The following SNTB1 variants were observed in gnomAD, a reference collection of about 807,000 sequenced individuals.
SNTB1 encodes syntrophin beta 1, also known as beta-1-syntrophin.
Under a neutral mutation model 48.9 loss-of-function variants are expected in SNTB1, and 36 were observed. The ratio of observed to expected loss-of-function variants is 0.74; its 90% CI spans 0.56 to 0.97. The LOEUF (loss-of-function observed/expected upper bound fraction) is 0.97, where lower values mean the gene tolerates loss of function less well. Ranked by LOEUF, SNTB1 falls within the 50% of genes least tolerant of loss-of-function variation. The pLI is 0.00. For missense variants in SNTB1, 786 were observed against 703.4 expected (o/e 1.12, Z -1.33); for synonymous variants, 299 against 294.6 (o/e 1.01, Z -0.15).
intron 1 of SNTB1, among the ~76,000 whole-genome samples, chr8:120,780,630 T>A (rs1338709251): frequency 6.6e-6 from 1 of 152,226 alleles, no homozygotes; most frequent in African/African-American, 2.4e-5. Context: ...TCAACTCTGT[T>A]TTCTCTCTTA....
chr8:120,700,871 G>A (rs1818298792), intron 1 of SNTB1, among the ~76,000 whole-genome samples: 2 of 152,248 alleles, frequency 1.3e-5, no homozygotes, highest in South Asian at 4.1e-4. Context: ...TCCGTCTGAT[G>A]TGTTCAAGTT....
At chr8:120,702,363 T>G (rs1818321555) in intron 1 of SNTB1, among the ~76,000 whole-genome samples, 1 of 152,206 alleles carries the variant, frequency 6.6e-6, no homozygotes, top group South Asian at 2.1e-4. Context: ...TTAGCTGACT[T>G]GTTCTGCACA....
At chr8:120,802,576 C>T (rs1020338216) in intron 1 of SNTB1, among the ~76,000 whole-genome samples, 1 of 152,252 alleles carries the variant, frequency 6.6e-6, no homozygotes, top group South Asian at 2.1e-4. Flanking sequence ...CTTGGTCATT[C>T]GTTACACTGT....
intron 3 of SNTB1, among the ~76,000 whole-genome samples, chr8:120,616,179 TG>T (rs2130736381): frequency 6.6e-6 from 1 of 152,338 alleles, no homozygotes; most frequent in African/African-American, 2.4e-5. Context: ...TAGTACATTT[TG>T]GGTAGTATCA....
At chr8:120,709,760 A>G (rs1236106202) in intron 1 of SNTB1, among the ~76,000 whole-genome samples, 1 of 152,072 alleles carries the variant, frequency 6.6e-6, no homozygotes. Flanking sequence ...CTGATTTAGA[A>G]TCTTTTCTCC....
intron 1 of SNTB1, among the ~76,000 whole-genome samples, chr8:120,694,536 T>C (rs929088967): frequency 1.3e-5 from 2 of 151,428 alleles, no homozygotes; most frequent in Admixed American, 6.6e-5. Flanking sequence ...AAAAATGATA[T>C]ATATATCATT....
intron 2 of SNTB1, among the ~76,000 whole-genome samples, chr8:120,665,597 A>ATT (rs1817661588): frequency 6.6e-6 from 1 of 152,120 alleles, no homozygotes; most frequent in Non-Finnish European, 1.5e-5. Flanking sequence ...CAATTTATCA[A>ATT]TTTTTGCTTT....
At chr8:120,777,034 T>A (rs1458774910) in intron 1 of SNTB1, among the ~76,000 whole-genome samples, 1 of 152,128 alleles carries the variant, frequency 6.6e-6, no homozygotes, top group Admixed American at 6.5e-5. Flanking sequence ...CTAATACCAA[T>A]CTTCAACTAG....
intron 1 of SNTB1, among the ~76,000 whole-genome samples, chr8:120,762,891 A>G (rs1382082575): frequency 6.6e-6 from 1 of 152,230 alleles, no homozygotes; most frequent in Admixed American, 6.5e-5. Flanking sequence ...TCGAAAACTT[A>G]AACTTTCAAA....
At chr8:120,612,725 G>T (rs1162317621) in intron 3 of SNTB1, among the ~76,000 whole-genome samples, 1 of 151,980 alleles carries the variant, frequency 6.6e-6, no homozygotes, top group African/African-American at 2.4e-5. Flanking sequence ...GGCTAATTTT[G>T]TATTTTTAGT....
intron 2 of SNTB1, among the ~76,000 whole-genome samples, chr8:120,686,607 C>A (rs566026081): frequency 2.8e-4 from 43 of 152,020 alleles, no homozygotes; most frequent in African/African-American, 9.6e-4. Flanking sequence ...TGGGGGGACA[C>A]AAACATTAAG....
chr8:120,584,469 A>G (rs995963869), intron 3 of SNTB1, among the ~76,000 whole-genome samples: 1 of 147,964 alleles, frequency 6.8e-6, no homozygotes, highest in Non-Finnish European at 1.5e-5. Flanking sequence ...AAAGTGTAGT[A>G]ATTTAGAAGG....
At chr8:120,624,843 T>C (rs1816850592) in intron 3 of SNTB1, among the ~76,000 whole-genome samples, 1 of 152,182 alleles carries the variant, frequency 6.6e-6, no homozygotes, top group Non-Finnish European at 1.5e-5. Context: ...AGGCATAGGA[T>C]AGACATTCCT....
In SNTB1 at chr8:120,690,226, A is replaced by G. The variant is rs186852635; in HGVS notation, c.788+3466T>C. Reference sequence around the variant, plus strand: ...TAAATTAAACTTTATCATAGTATGTATGTATAGGAAAAACACAGTTATAGA... The same window carrying G: ...TAAATTAAACTTTATCATAGTATGTGTGTATAGGAAAAACACAGTTATAGA... On this transcript the variant is annotated intron_variant, in intron 2 of 6. Transcript: ENST00000517992. 2.0e-5 allele frequency among the ~76,000 whole-genome samples: 3 copies of G among 152,208 alleles called. No homozygotes were observed. In the East Asian group the frequency reaches 5.8e-4, roughly 29 times the overall value.
At chr8:120,557,452 G>A (rs1289960247) in intron 4 of SNTB1, among the ~76,000 whole-genome samples, 1 of 152,164 alleles carries the variant, frequency 6.6e-6, no homozygotes, top group African/African-American at 2.4e-5. Context: ...AGGTTCTTGG[G>A]TGCTTACTCT....
chr8:120,561,326 AAAAAAAAAAAAAAAG>A (rs1479040309), intron 4 of SNTB1, among the ~76,000 whole-genome samples: 17 of 93,256 alleles, frequency 1.8e-4, no homozygotes, highest in African/African-American at 3.2e-5. Flanking sequence ...TCTCAAAAAA[AAAAAAAAAAAAAAAG>A]AAAAAAAGAA....
chr8:120,711,973 T>C (rs1006281028), intron 1 of SNTB1, among the ~76,000 whole-genome samples: 3 of 152,242 alleles, frequency 2.0e-5, no homozygotes, highest in Admixed American at 2.0e-4. Context: ...ACTATAATAT[T>C]CTAATTACTT....
At chr8:120,639,637 T>A (rs1817152243) in intron 2 of SNTB1, among the ~76,000 whole-genome samples, 1 of 152,216 alleles carries the variant, frequency 6.6e-6, no homozygotes, top group African/African-American at 2.4e-5. Flanking sequence ...AAATAGGGAA[T>A]CCTTTCCCCA....
intron 1 of SNTB1, among the ~76,000 whole-genome samples, chr8:120,772,739 T>A (rs1819660565): frequency 6.6e-6 from 1 of 152,154 alleles, no homozygotes; most frequent in African/African-American, 2.4e-5. Flanking sequence ...TTTAAATTGA[T>A]GGACTCTGGC....
Sources: allele counts gnomAD v4.1 joint callset (sites outside exome capture counted in the v4.1 genomes callset), GRCh38; gene constraint gnomAD v4.1.1; transcripts MANE v1.5; gene names NCBI Gene and HGNC (gene_info 2026-07-23, HGNC 2026-07-21).